PTGER3: variants seen among roughly 807,000 people sequenced by gnomAD.
PTGER3 encodes the protein prostaglandin E2 receptor EP3 subtype.
Under a neutral mutation model 34.7 loss-of-function variants are expected in PTGER3, and 22 were observed. The observed-to-expected ratio is 0.63, with a 90% CI of 0.45 to 0.91. PTGER3 has a LOEUF of 0.91. PTGER3 is among the 40% of genes least tolerant of loss of function. The probability of loss-of-function intolerance (pLI) is 0.00; values close to 1 mark genes in which losing one functional copy is unlikely to be tolerated. For missense variants in PTGER3, 468 were observed against 519.4 expected (o/e 0.90, Z 0.96); for synonymous variants, 241 against 230.1 (o/e 1.05, Z -0.43).
At chr1:70,959,081 A>C (rs1651653804) in intron 2 of PTGER3, among the ~76,000 whole-genome samples, 1 of 152,146 alleles carries the variant, frequency 6.6e-6, no homozygotes, top group African/African-American at 2.4e-5. Context: ...AGAGCTTTGT[A>C]GTATATTTCG....
intron 4 of PTGER3, among the ~76,000 whole-genome samples, chr1:70,862,701 G>A (rs1329736256): frequency 6.6e-6 from 1 of 152,120 alleles, no homozygotes; most frequent in Non-Finnish European, 1.5e-5. Flanking sequence ...AATGATCAGA[G>A]GGTAGAAGAT....
At chr1:70,949,447 TA>T (rs1650532478), downstream of PTGER3, among the ~76,000 whole-genome samples, 1 of 151,784 alleles carries the variant, frequency 6.6e-6, no homozygotes, top group South Asian at 2.1e-4. Flanking sequence ...ACAGAAGGAG[TA>T]GCAAGTTTAG....
At chr1:70,992,455 T>C (rs1557720624) in intron 2 of PTGER3, among the ~76,000 whole-genome samples, 2 of 152,222 alleles carry the variant, frequency 1.3e-5, no homozygotes, top group Non-Finnish European at 2.9e-5. Context: ...GCTGCTGTTA[T>C]AGCGACCCAC....
At chr1:70,883,994 G>A (rs1407110886) in intron 4 of PTGER3, 5 of 336,820 alleles carry the variant, frequency 1.5e-5, no homozygotes, top group Admixed American at 6.6e-5. Context: ...CCCAGGAGGC[G>A]AAGATTGCAG....
rs2100673692 is a variant in PTGER3, at chr1:70,970,988, G to A, written c.*742C>T. On this transcript the variant is annotated 3_prime_UTR_variant, in exon 4 of 4. Coordinates refer to ENST00000306666, the MANE Select transcript of PTGER3 (RefSeq NM_198719.2). ...CCTGGATTTTTTTATCACTCTAACT[G>A]CGCAGCTAATCATTCAACCTCAAAT... is the stretch of plus-strand genomic sequence containing the variant. The A allele has an allele frequency of 1.0e-6, 1 of 985,284 alleles. No homozygotes were observed. The highest frequency in any genetic ancestry group is 5.2e-4 in the Middle Eastern group (1 of 1,914). The allele number at this position is 985,284 out of a possible 1,614,324, so 61.0% of individuals were successfully genotyped here. A position where few individuals can be genotyped will look rare whatever the true frequency, so the allele number is the denominator to read the frequency against.
At chr1:70,885,070 C>T (rs995410692) in intron 4 of PTGER3, among the ~76,000 whole-genome samples, 1 of 152,094 alleles carries the variant, frequency 6.6e-6, no homozygotes, top group South Asian at 2.1e-4. Flanking sequence ...AATGCAAGAG[C>T]CAAAATTTGT....
intron 2 of PTGER3, among the ~76,000 whole-genome samples, chr1:70,981,029 G>A (rs1187847535): frequency 3.3e-5 from 5 of 152,122 alleles, no homozygotes; most frequent in Non-Finnish European, 4.4e-5. Context: ...CCATGAGGAA[G>A]AAGATGATTA....
intron 2 of PTGER3, among the ~76,000 whole-genome samples, chr1:70,956,224 T>C (rs977683493): frequency 2.6e-5 from 4 of 152,310 alleles, no homozygotes; most frequent in African/African-American, 9.6e-5. Context: ...ATATTTATAA[T>C]TAGCCTTTTG....
downstream of PTGER3, among the ~76,000 whole-genome samples, chr1:70,968,295 A>G (rs1175006335): frequency 6.6e-6 from 1 of 152,206 alleles, no homozygotes; most frequent in African/African-American, 2.4e-5. Context: ...AAGCATATTA[A>G]TGTTATATGT....
At chr1:70,853,681 C>G (rs1253180539) in intron 4 of PTGER3, among the ~76,000 whole-genome samples, 1 of 152,006 alleles carries the variant, frequency 6.6e-6, no homozygotes, top group African/African-American at 2.4e-5. Flanking sequence ...CTGAAAAATA[C>G]TTCAAATAAG....
At chr1:70,997,760 T>C (rs1572892065) in intron 2 of PTGER3, among the ~76,000 whole-genome samples, 1 of 152,264 alleles carries the variant, frequency 6.6e-6, no homozygotes, top group South Asian at 2.1e-4. Context: ...TCTGAAGAGG[T>C]TGAAAGCAGA....
At chr1:70,871,904 C>T (rs529006413) in intron 4 of PTGER3, among the ~76,000 whole-genome samples, 5 of 152,208 alleles carry the variant, frequency 3.3e-5, no homozygotes, top group Non-Finnish European at 7.4e-5. Context: ...AAAGTATGCT[C>T]TCCCCTCCCA....
At chr1:70,982,950 ATTAT>A (rs1267773976) in intron 2 of PTGER3, among the ~76,000 whole-genome samples, 1 of 152,170 alleles carries the variant, frequency 6.6e-6, no homozygotes, top group Non-Finnish European at 1.5e-5. Flanking sequence ...ATATACAGTG[ATTAT>A]TTGTCAATTA....
intron 4 of PTGER3, among the ~76,000 whole-genome samples, chr1:70,892,324 G>A (rs1282356797): frequency 6.6e-6 from 1 of 152,186 alleles, no homozygotes; most frequent in African/African-American, 2.4e-5. Context: ...AAGATAAGGT[G>A]TTCAAAGTGC....
chr1:70,992,454 A>T (rs959531631), intron 2 of PTGER3, among the ~76,000 whole-genome samples: 2 of 152,328 alleles, frequency 1.3e-5, no homozygotes, highest in Non-Finnish European at 2.9e-5. Context: ...GGCTGCTGTT[A>T]TAGCGACCCA....
intron 2 of PTGER3, among the ~76,000 whole-genome samples, chr1:70,984,263 T>A (rs1160704010): frequency 1.3e-5 from 2 of 151,822 alleles, no homozygotes; most frequent in African/African-American, 4.8e-5. Flanking sequence ...GGCACACACC[T>A]GTAATCCCAG....
In PTGER3 at chr1:70,952,708, G is replaced by A. The variant is rs1366508063; in HGVS notation, c.*199C>T. 6.5e-6 allele frequency: 8 copies of A among 1,233,170 alleles called. No homozygotes were observed. In the African/African-American group the frequency reaches 7.7e-5, roughly 12 times the overall value. The allele number at this position is 1,233,170 out of a possible 1,614,324, so 76.4% of individuals were successfully genotyped here. A position where few individuals can be genotyped will look rare whatever the true frequency, so the allele number is the denominator to read the frequency against. On this transcript the variant is annotated 3_prime_UTR_variant, in exon 4 of 4. Coordinates refer to the PTGER3 transcript ENST00000356595. ...TATAAGTCTAAATTGGGTAGTTCGA[G>A]TGACCAACCAGTTTGTTCAGCTTTG...
At position 70,944,308 on chromosome 1, in the gene PTGER3, T is replaced by C. The variant is rs34598461; in HGVS notation, c.*23+9455A>G. ...ATTTGCTAGAACTTCTGAGAAATTG[T>C]GAGAAGTCAAAGCAATTTTTTTACC... On this transcript the variant is annotated intron_variant, in intron 4 of 4. Transcript: ENST00000370931. Among the ~76,000 whole-genome samples, 360 of 152,236 alleles carry C rather than the reference T, an allele frequency of 2.4e-3. 3 individuals carry two copies. The East Asian group carries it at 0.024, about 10-fold the overall frequency.
chr1:70,907,863 G>T (rs74089133), intron 4 of PTGER3, among the ~76,000 whole-genome samples: 4,291 of 152,194 alleles, frequency 0.028, 228 homozygotes, highest in African/African-American at 0.099. Context: ...GGACTGCTTG[G>T]GCAACACAGC....
Sources: gnomAD v4.1 joint callset for allele counts (sites outside exome capture counted in the v4.1 genomes callset) on GRCh38, gnomAD v4.1.1 for gene constraint, MANE v1.5 for transcripts, NCBI Gene and HGNC (gene_info 2026-07-23, HGNC 2026-07-21) for gene names.